Variants in DLGAP1 observed in about 807,000 individuals in gnomAD.
DLGAP1 encodes the protein DLG associated protein 1.
Under a neutral mutation model 90.8 loss-of-function variants are expected in DLGAP1, and 11 were observed. The ratio of observed to expected loss-of-function variants is 0.12; its 90% CI spans 0.08 to 0.20. The LOEUF is 0.20. DLGAP1 is among the 10% of genes least tolerant of loss of function. DLGAP1 has a pLI of 1.00. For synonymous variants in DLGAP1, 558 were observed against 540.7 expected (o/e 1.03, Z -0.44); for missense variants, 1,050 against 1,333.8 (o/e 0.79, Z 3.31).
intron 1 of DLGAP1, among the ~76,000 whole-genome samples, chr18:4,249,725 C>G (rs965242493): frequency 2.6e-5 from 4 of 152,240 alleles, no homozygotes; most frequent in Admixed American, 6.5e-5. Context: ...GCAGCTGGGA[C>G]TATAGGCATG....
At chr18:3,683,885 A>C (rs530375151) in intron 7 of DLGAP1, among the ~76,000 whole-genome samples, 2 of 152,224 alleles carry the variant, frequency 1.3e-5, no homozygotes, top group South Asian at 4.2e-4. Context: ...CAAGATTCTT[A>C]ATTTTTTCAT....
rs547810562 is a variant in DLGAP1, at chr18:3,834,619, T to C, written c.958-20346A>G. The stretch of plus-strand genomic sequence containing the variant: ...ACATAGGTGAATGTGTACGTACACA[T>C]ATACATATTTGTATGTTTGACTATA... On this transcript the variant is annotated intron_variant, in intron 4 of 12. Coordinates refer to ENST00000315677, the MANE Select transcript of DLGAP1 (RefSeq NM_004746.4). Among the ~76,000 whole-genome samples, 15 of 152,326 alleles carry C rather than the reference T, an allele frequency of 9.8e-5. No homozygotes were observed. The East Asian group carries it at 2.9e-3, about 29-fold the overall frequency.
At chr18:3,528,798 G>T (rs504623) in intron 10 of DLGAP1, among the ~76,000 whole-genome samples, 115,263 of 152,136 alleles carry the variant, frequency 0.76, 43,767 homozygotes, top group South Asian at 0.85. Context: ...GGTTTGCCAC[G>T]GCACTGACTA....
intron 3 of DLGAP1, among the ~76,000 whole-genome samples, chr18:3,991,724 T>G (rs952801866): frequency 1.3e-5 from 2 of 152,204 alleles, no homozygotes; most frequent in Non-Finnish European, 2.9e-5. Context: ...TGTTAATATC[T>G]CACCCACTCT....
chr18:4,218,325 C>T (rs1319300421), intron 1 of DLGAP1, among the ~76,000 whole-genome samples: 2 of 151,700 alleles, frequency 1.3e-5, no homozygotes, highest in African/African-American at 2.4e-5. Flanking sequence ...CCTTTTTAAA[C>T]CTTTTAAGTT....
chr18:4,147,182 C>T (rs1310794443), intron 2 of DLGAP1, among the ~76,000 whole-genome samples: 1 of 152,192 alleles, frequency 6.6e-6, no homozygotes, highest in South Asian at 2.1e-4. Flanking sequence ...AAGGAAAAGA[C>T]ATTTGCAAAG....
intron 1 of DLGAP1, among the ~76,000 whole-genome samples, chr18:4,232,195 C>G (rs949815224): frequency 6.6e-6 from 1 of 152,106 alleles, no homozygotes; most frequent in African/African-American, 2.4e-5. Context: ...AACAAAGAAA[C>G]AGATGTTGGT....
chr18:4,129,535 C>T (rs1405630632), intron 2 of DLGAP1, among the ~76,000 whole-genome samples: 1 of 152,116 alleles, frequency 6.6e-6, no homozygotes, highest in Non-Finnish European at 1.5e-5. Flanking sequence ...TCCTCACAGG[C>T]CAATCTGCTT....
intron 5 of DLGAP1, among the ~76,000 whole-genome samples, chr18:3,761,911 G>A (rs1000907696): frequency 6.6e-6 from 1 of 152,112 alleles, no homozygotes; most frequent in African/African-American, 2.4e-5. Context: ...TATATACCCA[G>A]AAGTAGGAAT....
In DLGAP1 at chr18:3,812,860, T is replaced by C. The variant is rs1412030475; in HGVS notation, c.1172+1199A>G. ...ACTCGACTGCTTTGATTTTTTGTTT[T>C]ATTTTGCCTTTTAATATTTTATTTA... On this transcript the variant is annotated intron_variant, in intron 5 of 12. Coordinates refer to ENST00000315677, the MANE Select transcript of DLGAP1 (RefSeq NM_004746.4). Among the ~76,000 whole-genome samples the C allele has an allele frequency of 2.0e-5, 3 of 152,248 alleles. 1 individual carries two copies. The highest frequency in any genetic ancestry group is 4.4e-5 in the Non-Finnish European group (3 of 68,044).
chr18:3,730,937 C>T (rs9951384), intron 6 of DLGAP1, among the ~76,000 whole-genome samples: 9,976 of 152,086 alleles, frequency 0.066, 1,069 homozygotes, highest in African/African-American at 0.23. Flanking sequence ...TACATGGACA[C>T]ACATTTAGAG....
At chr18:3,556,614 A>G (rs1448786552) in intron 9 of DLGAP1, among the ~76,000 whole-genome samples, 1 of 152,156 alleles carries the variant, frequency 6.6e-6, no homozygotes, top group Non-Finnish European at 1.5e-5. Context: ...GCTGAATAAT[A>G]TTCTATTATC....
chr18:4,364,372 A>G (rs543551201), intron 1 of DLGAP1, among the ~76,000 whole-genome samples: 28 of 151,760 alleles, frequency 1.8e-4, no homozygotes, highest in Non-Finnish European at 3.2e-4. Context: ...TAACCTGCAC[A>G]TTGTGCACAT....
intron 1 of DLGAP1, among the ~76,000 whole-genome samples, chr18:4,184,361 T>C (rs910208561): frequency 1.3e-5 from 2 of 152,144 alleles, no homozygotes; most frequent in Non-Finnish European, 2.9e-5. Context: ...ATTTTGTTGG[T>C]TGACCAGATA....
intron 10 of DLGAP1, among the ~76,000 whole-genome samples, chr18:3,510,018 A>G (rs1276336980): frequency 2.0e-5 from 3 of 152,140 alleles, no homozygotes; most frequent in African/African-American, 7.2e-5. Context: ...TCTAGCAGCA[A>G]TTTCTTAGGC....
rs2051609527 is a variant in DLGAP1 at position 3,526,222 on chromosome 18, T to C, written c.2479+7972A>G. On this transcript the variant is annotated intron_variant, in intron 10 of 12. Coordinates refer to ENST00000315677, the MANE Select transcript of DLGAP1 (RefSeq NM_004746.4). The surrounding 1 kb of genome is among the most constrained non-coding windows in gnomAD (Gnocchi z 4.7). ...CTAGAATGCAGCCATTGCTCCCCACTTAGAAACACACACGGGCTGGAGGCA... is the reference window on the plus strand; with the variant it reads ...CTAGAATGCAGCCATTGCTCCCCACCTAGAAACACACACGGGCTGGAGGCA... 6.6e-6 allele frequency among the ~76,000 whole-genome samples: 1 copy of C among 152,122 alleles called. No individual in the cohort carries two copies. The highest frequency in any genetic ancestry group is 6.5e-5 in the Admixed American group (1 of 15,274).
intron 3 of DLGAP1, among the ~76,000 whole-genome samples, chr18:3,971,390 T>C (rs1450740643): frequency 1.3e-5 from 2 of 152,216 alleles, no homozygotes; most frequent in Non-Finnish European, 2.9e-5. Context: ...TCCTAACCAG[T>C]ATATATACAG....
At chr18:3,762,699 A>G (rs571147049) in intron 5 of DLGAP1, among the ~76,000 whole-genome samples, 1 of 152,182 alleles carries the variant, frequency 6.6e-6, no homozygotes, top group Non-Finnish European at 1.5e-5. Context: ...CAAAAAAGGT[A>G]TCTCTTCTAT....
At chr18:3,836,714 A>G (rs1480446210) in intron 4 of DLGAP1, among the ~76,000 whole-genome samples, 3 of 152,084 alleles carry the variant, frequency 2.0e-5, no homozygotes, top group Admixed American at 6.5e-5. Flanking sequence ...TCAGCCACAC[A>G]TTTTTCCATC....
Sources: allele counts gnomAD v4.1 joint callset (sites outside exome capture counted in the v4.1 genomes callset), GRCh38; gene constraint gnomAD v4.1.1; non-coding constraint Gnocchi (gnomAD v3.1); transcripts MANE v1.5; gene names NCBI Gene and HGNC (gene_info 2026-07-23, HGNC 2026-07-21).